STXBP5L: variants seen among roughly 807,000 people sequenced by gnomAD.
STXBP5L encodes syntaxin binding protein 5L.
STXBP5L carries 65 observed loss-of-function variants against 144.5 expected under a neutral mutation model. The ratio of observed to expected loss-of-function variants is 0.45; its 90% confidence interval spans 0.37 to 0.55. The LOEUF (loss-of-function observed/expected upper bound fraction) is 0.55. Among genes scored for constraint, STXBP5L ranks in the 20% least tolerant of loss-of-function variants. The pLI is 0.00. For missense variants in STXBP5L, 1,298 were observed against 1,405.5 expected (o/e 0.92, Z 1.22); for synonymous variants, 505 against 469.6 (o/e 1.08, Z -0.97).
chr3:120,978,218 A>G (rs566942839), intron 3 of STXBP5L, among the ~76,000 whole-genome samples: 7 of 152,218 alleles, frequency 4.6e-5, no homozygotes, highest in African/African-American at 1.7e-4. Flanking sequence ...ACCTAGTCCC[A>G]TATTTCTTGG....
At chr3:121,151,178 A>G (rs1012241326) in intron 7 of STXBP5L, among the ~76,000 whole-genome samples, 7 of 152,120 alleles carry the variant, frequency 4.6e-5, no homozygotes, top group Non-Finnish European at 1.0e-4. Context: ...AAGTTAAAAC[A>G]TATCTTAGTA....
chr3:121,351,721 T>G (rs574379478), intron 20 of STXBP5L, among the ~76,000 whole-genome samples: 1 of 152,190 alleles, frequency 6.6e-6, no homozygotes, highest in African/African-American at 2.4e-5. Context: ...ATTTTGGCTT[T>G]TGTTGCCATT....
At chr3:121,198,970 T>C (rs778152738) in intron 9 of STXBP5L, among the ~76,000 whole-genome samples, 8 of 152,210 alleles carry the variant, frequency 5.3e-5, no homozygotes, top group Non-Finnish European at 1.2e-4. Context: ...CTATACGGGT[T>C]ATTTTTTGGT....
intron 19 of STXBP5L, among the ~76,000 whole-genome samples, chr3:121,287,192 C>T (rs758360518): frequency 3.9e-5 from 6 of 152,196 alleles, no homozygotes; most frequent in Non-Finnish European, 7.3e-5. Context: ...TCATAACTCA[C>T]ATCCACTTCT....
chr3:121,161,726 G>T (rs945033405), intron 9 of STXBP5L, among the ~76,000 whole-genome samples: 1 of 151,830 alleles, frequency 6.6e-6, no homozygotes, highest in Non-Finnish European at 1.5e-5. Context: ...TTTTTCAATT[G>T]CAGTGCTACC....
intron 5 of STXBP5L, among the ~76,000 whole-genome samples, chr3:121,075,116 C>A (rs2041966280): frequency 6.6e-6 from 1 of 152,246 alleles, no homozygotes; most frequent in Middle Eastern, 3.4e-3. Context: ...TGATTCCTGC[C>A]ACTCTGATTA....
At chr3:120,936,800 C>G (rs1209632645) in intron 2 of STXBP5L, among the ~76,000 whole-genome samples, 2 of 152,086 alleles carry the variant, frequency 1.3e-5, no homozygotes, top group African/African-American at 4.8e-5. Context: ...TTAGGCCTCC[C>G]AAAGTGCTGG....
chr3:121,265,253 C>T (rs139133689), intron 18 of STXBP5L, among the ~76,000 whole-genome samples: 7,076 of 152,172 alleles, frequency 0.046, 433 homozygotes, highest in Admixed American at 0.17. Context: ...TGCAAAAGAA[C>T]GGAAATCATA....
chr3:120,998,114 A>G (rs1209614319), intron 3 of STXBP5L, among the ~76,000 whole-genome samples: 1 of 152,156 alleles, frequency 6.6e-6, no homozygotes, highest in African/African-American at 2.4e-5. Flanking sequence ...TGAAAATCCC[A>G]CAGCCAACAT....
At chr3:121,072,874 T>C (rs2107666717) in intron 5 of STXBP5L, among the ~76,000 whole-genome samples, 1 of 152,344 alleles carries the variant, frequency 6.6e-6, no homozygotes, top group Middle Eastern at 3.4e-3. Flanking sequence ...TCCTCTTTCC[T>C]TATATTTGGC....
intron 3 of STXBP5L, among the ~76,000 whole-genome samples, chr3:120,980,093 G>C (rs918452004): frequency 6.6e-6 from 1 of 152,090 alleles, no homozygotes; most frequent in Non-Finnish European, 1.5e-5. Flanking sequence ...AAAAATACTT[G>C]ATTTCAATTT....
intron 9 of STXBP5L, among the ~76,000 whole-genome samples, chr3:121,173,654 A>G (rs1266559307): frequency 6.6e-6 from 1 of 152,116 alleles, no homozygotes; most frequent in Non-Finnish European, 1.5e-5. Context: ...CTGTACCCTT[A>G]GAGAAAAGAA....
chr3:120,974,657 A>G (rs1256937667), intron 3 of STXBP5L, among the ~76,000 whole-genome samples: 1 of 152,174 alleles, frequency 6.6e-6, no homozygotes, highest in Non-Finnish European at 1.5e-5. Flanking sequence ...GTTTTCTTCT[A>G]GGGTTTTTAT....
Position 121,318,382 on chromosome 3 carries a change from A to G in STXBP5L, c.2111-93A>G, listed in dbSNP as rs1439351506. On this transcript the variant is annotated intron_variant, in intron 19 of 26. Coordinates refer to ENST00000471454, the MANE Select transcript of STXBP5L (RefSeq NM_001308330.2). ...CATGATAAAGTAGTTTTCACATAAA[A>G]AAAAGCCTTTTAAACTTGTAGGAAT... 3 of 837,846 alleles carry G rather than the reference A, an allele frequency of 3.6e-6. No homozygotes were observed. The South Asian group carries it at 7.3e-5, about 20-fold the overall frequency. The allele number at this position is 837,846 out of a possible 1,614,324, so 51.9% of individuals were successfully genotyped here.
intron 7 of STXBP5L, among the ~76,000 whole-genome samples, chr3:121,127,402 G>A (rs894615399): frequency 2.0e-5 from 3 of 152,014 alleles, no homozygotes; most frequent in Non-Finnish European, 2.9e-5. Context: ...TAAGGTGTCA[G>A]TTAGGCCGTG....
chr3:120,929,496 A>G (rs1304205646), intron 2 of STXBP5L, among the ~76,000 whole-genome samples: 3 of 152,134 alleles, frequency 2.0e-5, no homozygotes, highest in African/African-American at 4.8e-5. Context: ...TATAAATGTA[A>G]TGGCTGTATA....
chr3:121,214,897 G>T (rs2048717262), intron 10 of STXBP5L, among the ~76,000 whole-genome samples: 1 of 151,880 alleles, frequency 6.6e-6, no homozygotes, highest in Non-Finnish European at 1.5e-5. Context: ...CTCCTGTATT[G>T]GTTGCATATA....
chr3:120,979,778 C>T (rs537151204), intron 3 of STXBP5L, among the ~76,000 whole-genome samples: 1 of 152,198 alleles, frequency 6.6e-6, no homozygotes. Flanking sequence ...GTTCTGCTAC[C>T]TTTGGCTTTG....
At chr3:121,076,349 TA>T (rs1256745282) in intron 5 of STXBP5L, among the ~76,000 whole-genome samples, 5 of 152,294 alleles carry the variant, frequency 3.3e-5, no homozygotes, top group African/African-American at 7.2e-5. Flanking sequence ...AATTGGTGCA[TA>T]GGGGGGTGGA....
Sources: allele counts gnomAD v4.1 joint callset (sites outside exome capture counted in the v4.1 genomes callset), GRCh38; gene constraint gnomAD v4.1.1; transcripts MANE v1.5; gene names NCBI Gene and HGNC (gene_info 2026-07-23, HGNC 2026-07-21).